The following DCC variants were observed in gnomAD, a reference collection of about 807,000 sequenced individuals.
The protein encoded by DCC is DCC netrin 1 receptor.
A neutral mutation model predicts 172.5 loss-of-function variants in DCC; 58 were observed. That is an observed-to-expected ratio of 0.34 (90% CI 0.27 to 0.42). The LOEUF is 0.42. DCC is among the 10% of genes least tolerant of loss of function. The pLI, the probability that DCC is intolerant of heterozygous loss-of-function variation, is 1.00. For missense variants in DCC, 1,740 were observed against 1,791.0 expected (o/e 0.97, Z 0.51); for synonymous variants, 709 against 644.5 (o/e 1.10, Z -1.52).
intron 1 of DCC, among the ~76,000 whole-genome samples, chr18:52,698,316 A>G (rs2036046489): frequency 6.6e-6 from 1 of 152,162 alleles, no homozygotes; most frequent in African/African-American, 2.4e-5. Context: ...ATTGTTTGGT[A>G]TGATTCTCTT....
At chr18:52,679,786 A>G (rs2035712244) in intron 1 of DCC, among the ~76,000 whole-genome samples, 2 of 152,138 alleles carry the variant, frequency 1.3e-5, no homozygotes, top group East Asian at 3.9e-4. Context: ...CCTAAATCAA[A>G]ACTTTGTTGT....
intron 1 of DCC, among the ~76,000 whole-genome samples, chr18:52,485,765 G>A (rs1471415482): frequency 6.6e-6 from 1 of 152,054 alleles, no homozygotes. Context: ...TTCAATGACA[G>A]AAAGAGAATA....
chr18:53,044,585 T>C (rs909672328), intron 5 of DCC, among the ~76,000 whole-genome samples: 6 of 151,830 alleles, frequency 4.0e-5, no homozygotes, highest in Admixed American at 1.3e-4. Context: ...GGCTCATTAC[T>C]TTAGGATATA....
chr18:53,505,065 T>G (rs980953555), intron 27 of DCC, among the ~76,000 whole-genome samples: 7 of 152,300 alleles, frequency 4.6e-5, no homozygotes, highest in African/African-American at 1.7e-4. Flanking sequence ...TAAATATTCT[T>G]TAGGAGGAAC....
At chr18:52,847,354 T>G (rs2038910818) in intron 2 of DCC, among the ~76,000 whole-genome samples, 1 of 152,220 alleles carries the variant, frequency 6.6e-6, no homozygotes, top group East Asian at 1.9e-4. Context: ...GGAAACCACC[T>G]TGACCCATTG....
At chr18:52,638,567 T>C (rs1321201592) in intron 1 of DCC, among the ~76,000 whole-genome samples, 2 of 152,126 alleles carry the variant, frequency 1.3e-5, no homozygotes, top group African/African-American at 4.8e-5. Context: ...GCAACAGCAG[T>C]TAAAAGAGAC....
intron 5 of DCC, chr18:52,931,761 AT>A (rs1363517194): frequency 2.6e-5 from 4 of 152,068 alleles, no homozygotes; most frequent in Non-Finnish European, 4.4e-5. Context: ...TATCATAGCC[AT>A]TTATGGTAGC....
chr18:53,084,000 G>T (rs753686994), intron 7 of DCC, among the ~76,000 whole-genome samples: 1 of 152,194 alleles, frequency 6.6e-6, no homozygotes, highest in Non-Finnish European at 1.5e-5. Context: ...GCAAATAGAT[G>T]TAAGGGAGTA....
chr18:52,771,907 C>A lies in DCC; in HGVS notation c.412+19533C>A, dbSNP rs578181429. ...AAAAAGAAAAAGAAAGAACAAGGCC[C>A]AGGTGTTCTATCTCAGTGAGGCTGT... On this transcript the variant is annotated intron_variant, in intron 2 of 28. Transcript: ENST00000442544. 1.0e-3 allele frequency among the ~76,000 whole-genome samples: 157 copies of A among 151,528 alleles called. 2 individuals are homozygous for A. In the South Asian group the frequency reaches 0.031, roughly 30 times the overall value.
At chr18:52,603,159 G>A (rs940800293) in intron 1 of DCC, among the ~76,000 whole-genome samples, 3 of 152,000 alleles carry the variant, frequency 2.0e-5, no homozygotes, top group Admixed American at 1.3e-4. Context: ...AATCTCTAGG[G>A]ATGGAGACTG....
At chr18:53,312,678 A>C (rs1023162300) in intron 13 of DCC, among the ~76,000 whole-genome samples, 4 of 148,442 alleles carry the variant, frequency 2.7e-5, no homozygotes, top group Non-Finnish European at 6.0e-5. Flanking sequence ...GCGTCGTGGC[A>C]GGCGCCTGTA....
At chr18:52,844,372 G>C (rs1182837361) in intron 2 of DCC, among the ~76,000 whole-genome samples, 1 of 152,042 alleles carries the variant, frequency 6.6e-6, no homozygotes, top group Non-Finnish European at 1.5e-5. Flanking sequence ...TGGGCCCTGG[G>C]TAAGCACTCT....
At chr18:52,362,759 A>G (rs2144273570) in intron 1 of DCC, among the ~76,000 whole-genome samples, 1 of 151,478 alleles carries the variant, frequency 6.6e-6, no homozygotes, top group African/African-American at 2.4e-5. Context: ...GAATCAAACA[A>G]AACTTCTCTT....
At chr18:52,913,151 A>G (rs2039995173) in intron 3 of DCC, among the ~76,000 whole-genome samples, 1 of 152,040 alleles carries the variant, frequency 6.6e-6, no homozygotes, top group Admixed American at 6.6e-5. Context: ...ACAGGAGTAA[A>G]TTGACAATCC....
chr18:52,821,015 G>A (rs1348937234), intron 2 of DCC, among the ~76,000 whole-genome samples: 1 of 152,166 alleles, frequency 6.6e-6, no homozygotes, highest in African/African-American at 2.4e-5. Flanking sequence ...CTCTGTTTTC[G>A]TGCTGAATTT....
chr18:52,568,797 A>G (rs2033225396), intron 1 of DCC, among the ~76,000 whole-genome samples: 1 of 152,174 alleles, frequency 6.6e-6, no homozygotes, highest in Non-Finnish European at 1.5e-5. Context: ...CTGCAACTAT[A>G]GAACTTCCAC....
At chr18:52,517,412 C>T (rs1217883742) in intron 1 of DCC, among the ~76,000 whole-genome samples, 1 of 152,152 alleles carries the variant, frequency 6.6e-6, no homozygotes, top group Non-Finnish European at 1.5e-5. Context: ...CAGCAAGGTG[C>T]TGCGTAGAAT....
intron 24 of DCC, among the ~76,000 whole-genome samples, chr18:53,462,511 C>A (rs1477182904): frequency 6.6e-6 from 1 of 151,828 alleles, no homozygotes; most frequent in Non-Finnish European, 1.5e-5. Context: ...AAAACAAGCT[C>A]AGGGCTCCCA....
chr18:52,354,795 A>G (rs1230154651), intron 1 of DCC, among the ~76,000 whole-genome samples: 1 of 152,184 alleles, frequency 6.6e-6, no homozygotes, highest in Non-Finnish European at 1.5e-5. Context: ...CTCAGCTATT[A>G]CTTGCCTCTT....
Sources: gnomAD v4.1 joint callset for allele counts (sites outside exome capture counted in the v4.1 genomes callset) on GRCh38, gnomAD v4.1.1 for gene constraint, MANE v1.5 for transcripts, NCBI Gene and HGNC (gene_info 2026-07-23, HGNC 2026-07-21) for gene names.